Variants in NHSL1 observed in about 807,000 individuals in gnomAD.
The protein encoded by NHSL1 is NHS like 1.
A neutral mutation model predicts 95.0 loss-of-function variants in NHSL1; 48 were observed. That is an observed-to-expected ratio of 0.51 (90% CI 0.40 to 0.64). The LOEUF (loss-of-function observed/expected upper bound fraction) is 0.64, where lower values mean the gene tolerates loss of function less well. Ranked by LOEUF, NHSL1 falls within the 30% of genes least tolerant of loss-of-function variation. The probability of loss-of-function intolerance (pLI) is 0.00; values close to 1 mark genes in which losing one functional copy is unlikely to be tolerated. For synonymous variants in NHSL1, 783 were observed against 833.9 expected, an observed-to-expected ratio of 0.94 and a Z score of 1.05; for missense variants, 1,971 against 2,077.7, an observed-to-expected ratio of 0.95 and a Z score of 1.00.
Position 138,432,121 on chromosome 6 carries a change from C to G in NHSL1, c.2224G>C (p.Val742Leu). Residue 742 changes from valine to leucine, a missense_variant, in exon 6 of 8, where the codon GTT (valine) becomes CTT (leucine). Coordinates refer to ENST00000343505, the MANE Select transcript of NHSL1 (RefSeq NM_001144060.2). The surrounding 1 kb of genome is among the most constrained non-coding windows in gnomAD (Gnocchi z 4.4). ...GAAGTCATGCTGCTGCCAGCACTAA[C>G]TGTGCTCTGGCTCCGGGAGCGGGGC... Reference protein sequence around the residue: ...WLPRSRSQSTVSAGSSMTSAT... With the variant: ...WLPRSRSQSTLSAGSSMTSAT... 6.4e-7 allele frequency: 1 copy of G among 1,550,618 alleles called. No homozygotes were observed. Among genetic ancestry groups the G allele is most frequent in the Non-Finnish European group, 8.7e-7 (1 of 1,146,246 alleles).
In NHSL1 at chr6:138,432,474, T is replaced by C; in HGVS notation, c.1871A>G (p.Asn624Ser). The change falls in exon 6 of 8, where the codon AAT becomes AGT. Residue 624 changes from asparagine (N) to serine (S), a missense_variant. Physicochemically the swap from Asn to Ser is conservative, Grantham distance 46 (BLOSUM62 1). This residue lies in a region of NHSL1 where 1,602 missense variants were observed against 1,654.5 expected (regional missense o/e 0.97). Transcript: ENST00000343505. The surrounding 1 kb of genome is among the most constrained non-coding windows in gnomAD (Gnocchi z 4.4). The stretch of plus-strand genomic sequence containing the variant: ...GGGGTTCCCAAAGCCATCACTGCTA[T>C]TGCACAGATTCCCAGATCCATGTCC... ...DSGHGSGNLC[N>S]SSDGFGNPRH... 1 of 1,552,282 alleles carries C rather than the reference T, an allele frequency of 6.4e-7. No homozygotes were observed. Among genetic ancestry groups the C allele is most frequent in the Non-Finnish European group, 8.7e-7 (1 of 1,147,066 alleles).
At chr6:138,630,367 G>A (rs1194217557) in intron 1 of NHSL1, among the ~76,000 whole-genome samples, 1 of 152,030 alleles carries the variant, frequency 6.6e-6, no homozygotes, top group Non-Finnish European at 1.5e-5. Flanking sequence ...AAACTCTTCT[G>A]AAGTTTGAAG....
At chr6:138,650,392 C>T (rs1228764856) in intron 1 of NHSL1, 2 of 1,415,408 alleles carry the variant, frequency 1.4e-6, no homozygotes, top group African/African-American at 1.4e-5. Flanking sequence ...GCCATGAGGT[C>T]GCCGACTAGC....
chr6:138,495,735 G>A (rs954034667), intron 2 of NHSL1, among the ~76,000 whole-genome samples: 1 of 152,186 alleles, frequency 6.6e-6, no homozygotes, highest in African/African-American at 2.4e-5. Context: ...TGCTGAAAAA[G>A]ATATACCCAA....
At chr6:138,643,582 G>A (rs894608502) in intron 1 of NHSL1, among the ~76,000 whole-genome samples, 2 of 152,158 alleles carry the variant, frequency 1.3e-5, no homozygotes, top group African/African-American at 4.8e-5. Context: ...GCATAAGATG[G>A]AAACATACCT....
chr6:138,610,555 ATATAT>A (rs145735077), intron 1 of NHSL1, among the ~76,000 whole-genome samples: 32,716 of 130,894 alleles, frequency 0.25, 3,637 homozygotes, highest in African/African-American at 0.31. Context: ...AAAAATATAT[ATATAT>A]TATATATATA....
At chr6:138,522,312 A>T (rs1781716084) in intron 1 of NHSL1, among the ~76,000 whole-genome samples, 2 of 152,222 alleles carry the variant, frequency 1.3e-5, no homozygotes, top group Admixed American at 6.5e-5. Flanking sequence ...GAATGTTTGG[A>T]GCCTGGGCAA....
intron 1 of NHSL1, among the ~76,000 whole-genome samples, chr6:138,626,305 T>C (rs1784736914): frequency 1.3e-5 from 2 of 152,232 alleles, no homozygotes; most frequent in African/African-American, 4.8e-5. Flanking sequence ...AGAATGTTAA[T>C]ACAGGAGTCT....
At chr6:138,475,955 T>C (rs1026147207) in intron 2 of NHSL1, among the ~76,000 whole-genome samples, 1 of 152,058 alleles carries the variant, frequency 6.6e-6, no homozygotes, top group African/African-American at 2.4e-5. Flanking sequence ...AGAGTGAGAC[T>C]CTGTCTCAAA....
intron 1 of NHSL1, among the ~76,000 whole-genome samples, chr6:138,604,882 T>A (rs908637881): frequency 6.6e-6 from 1 of 152,098 alleles, no homozygotes; most frequent in Non-Finnish European, 1.5e-5. Context: ...CGCCTCAGAC[T>A]CCAAAGTGCT....
intron 3 of NHSL1, among the ~76,000 whole-genome samples, chr6:138,468,785 C>T (rs1778560187): frequency 6.6e-6 from 1 of 152,172 alleles, no homozygotes; most frequent in Non-Finnish European, 1.5e-5. Flanking sequence ...GATATTTGTA[C>T]AATGACCAAT....
At chr6:138,500,754 G>A (rs2128290902), upstream of NHSL1, among the ~76,000 whole-genome samples, 1 of 151,454 alleles carries the variant, frequency 6.6e-6, no homozygotes, top group East Asian at 1.9e-4. Context: ...ATAGGGGAAA[G>A]CTTTGAAATG....
intron 3 of NHSL1, among the ~76,000 whole-genome samples, chr6:138,468,486 G>A (rs1478038375): frequency 6.6e-6 from 1 of 152,214 alleles, no homozygotes; most frequent in Admixed American, 6.5e-5. Flanking sequence ...CCTCCTGTCA[G>A]ATCAGCGGCA....
intron 1 of NHSL1, among the ~76,000 whole-genome samples, chr6:138,623,586 A>G (rs554024867): frequency 6.6e-6 from 1 of 152,320 alleles, no homozygotes; most frequent in East Asian, 1.9e-4. Flanking sequence ...GTTATTAACT[A>G]TAGACATCAT....
intron 1 of NHSL1, among the ~76,000 whole-genome samples, chr6:138,625,370 T>C (rs2114640423): frequency 6.6e-6 from 1 of 152,232 alleles, no homozygotes; most frequent in East Asian, 1.9e-4. Context: ...CTCAAACTCC[T>C]GACCTCAAGT....
At chr6:138,481,365 T>C (rs1779408507) in intron 2 of NHSL1, among the ~76,000 whole-genome samples, 1 of 152,228 alleles carries the variant, frequency 6.6e-6, no homozygotes, top group Non-Finnish European at 1.5e-5. Flanking sequence ...ATCATACTGA[T>C]ATAGTTAGGA....
At chr6:138,650,138 A>G (rs367662667) in intron 1 of NHSL1, 8 of 537,122 alleles carry the variant, frequency 1.5e-5, no homozygotes, top group African/African-American at 9.6e-5. Flanking sequence ...GTTGGGTTGG[A>G]GTCATCTTGC....
At chr6:138,525,592 C>A (rs1306112772) in intron 1 of NHSL1, among the ~76,000 whole-genome samples, 1 of 151,310 alleles carries the variant, frequency 6.6e-6, no homozygotes, top group East Asian at 1.9e-4. Context: ...GGGAAAGATG[C>A]AGTCCTATAT....
chr6:138,488,329 T>C (rs1038969515), intron 2 of NHSL1, among the ~76,000 whole-genome samples: 26 of 152,178 alleles, frequency 1.7e-4, no homozygotes, highest in African/African-American at 6.0e-4. Context: ...CCTTCACCTT[T>C]TGCATATCAA....
Sources: allele counts gnomAD v4.1 joint callset (sites outside exome capture counted in the v4.1 genomes callset), GRCh38; gene constraint gnomAD v4.1.1; regional missense constraint gnomAD v4.1.1; non-coding constraint Gnocchi (gnomAD v3.1); transcripts MANE v1.5; gene names NCBI Gene and HGNC (gene_info 2026-07-23, HGNC 2026-07-21).